The following RMDN2 variants were observed in gnomAD, a reference collection of about 807,000 sequenced individuals.
RMDN2 encodes regulator of microtubule dynamics 2, also known as regulator of microtubule dynamics protein 2.
In RMDN2, 61 loss-of-function variants were observed where a neutral mutation model predicts 52.8. The observed-to-expected ratio is 1.16, with a 90% CI of 0.94 to 1.43. RMDN2 has a LOEUF of 1.43. Ranked by LOEUF, RMDN2 falls within the 40% of genes most tolerant of loss-of-function variation. The pLI is 0.00. For synonymous variants in RMDN2, 180 were observed against 153.1 expected (o/e 1.18, Z -1.30); for missense variants, 592 against 475.3 (o/e 1.25, Z -2.28).
intron 2 of RMDN2, among the ~76,000 whole-genome samples, chr2:37,962,427 T>C (rs6544119): frequency 0.85 from 129,250 of 152,214 alleles, 55,297 homozygotes; most frequent in African/African-American, 0.94. Flanking sequence ...TCTGGCTACA[T>C]TGGCTTTGCT....
rs1339806273 is a variant in RMDN2 at position 38,039,089 on chromosome 2, C to CAGAG, written c.1714-27892_1714-27891insGAGA. On this transcript the variant is annotated intron_variant, in intron 10 of 10. Coordinates refer to the RMDN2 transcript ENST00000234195. ...ACACACACACACACACACACACACA[C>CAGAG]ACACAGAGAGAGAGATAAAATGTTC... 2.1e-3 allele frequency among the ~76,000 whole-genome samples: 229 copies of CAGAG among 111,354 alleles called. 4 individuals carry two copies. The highest frequency in any genetic ancestry group is 7.4e-3 in the African/African-American group (217 of 29,140). 73.1% of individuals were successfully genotyped at this position (111,354 alleles called of 152,430 possible). A position where few individuals can be genotyped will look rare whatever the true frequency, so the allele number is the denominator to read the frequency against.
intron 5 of RMDN2, among the ~76,000 whole-genome samples, chr2:37,987,295 A>G (rs1460528221): frequency 6.6e-6 from 1 of 152,224 alleles, no homozygotes. Flanking sequence ...CGCTTAACAA[A>G]TATTCAACAG....
intron 4 of RMDN2, among the ~76,000 whole-genome samples, chr2:37,979,924 A>G (rs1673083304): frequency 6.6e-6 from 1 of 152,190 alleles, no homozygotes; most frequent in African/African-American, 2.4e-5. Context: ...AATTTCTTTA[A>G]TATTTGTTCA....
chr2:37,942,707 C>T (rs1417014515), intron 2 of RMDN2, among the ~76,000 whole-genome samples: 2 of 152,132 alleles, frequency 1.3e-5, no homozygotes, highest in Non-Finnish European at 2.9e-5. Context: ...CCATTTAGTC[C>T]TCTCCTATGA....
chr2:37,922,763 A>G (rs1213456209), upstream of RMDN2, among the ~76,000 whole-genome samples: 1 of 152,178 alleles, frequency 6.6e-6, no homozygotes, highest in African/African-American at 2.4e-5. Flanking sequence ...GGGGAAGGAG[A>G]GAGTGTGTAG....
rs190783501 is a variant in RMDN2 at position 37,983,955 on chromosome 2, C to G, written c.791+2612C>G. Among the ~76,000 whole-genome samples, 398 of 152,262 alleles carry G rather than the reference C, an allele frequency of 2.6e-3. 2 individuals are homozygous for G. The highest frequency in any genetic ancestry group is 9.7e-3 in the South Asian group (47 of 4,826). On this transcript the variant is annotated intron_variant, in intron 5 of 10. Transcript: ENST00000354545. ...TTTTTGCACAGCAGCAGAGTAGTTG[C>G]AAAAGACTGGCCCCAAAGTCTAAAA...
chr2:37,928,283 T>G (rs1434348412), intron 1 of RMDN2, among the ~76,000 whole-genome samples: 1 of 152,234 alleles, frequency 6.6e-6, no homozygotes, highest in African/African-American at 2.4e-5. Flanking sequence ...TGGCTGCTTG[T>G]TCTCTCAGAC....
downstream of RMDN2, among the ~76,000 whole-genome samples, chr2:38,020,047 T>C (rs984986098): frequency 2.0e-5 from 3 of 151,984 alleles, no homozygotes; most frequent in East Asian, 5.8e-4. Flanking sequence ...CCTAGAAGGG[T>C]GTGCTATACA....
intron 10 of RMDN2, among the ~76,000 whole-genome samples, chr2:38,059,345 G>C (rs1681954260): frequency 6.6e-6 from 1 of 152,180 alleles, no homozygotes; most frequent in Non-Finnish European, 1.5e-5. Flanking sequence ...TTTGGGCAGT[G>C]ATCATACCAT....
chr2:38,027,474 A>G (rs889740121), intron 10 of RMDN2: 1 of 152,200 alleles, frequency 6.6e-6, no homozygotes, highest in East Asian at 1.9e-4. Context: ...CCAGTCCTAT[A>G]AACCATTATT....
chr2:37,945,417 C>T (rs913733237), intron 2 of RMDN2, among the ~76,000 whole-genome samples: 7 of 152,134 alleles, frequency 4.6e-5, no homozygotes, highest in African/African-American at 1.4e-4. Context: ...CATTTGTCTT[C>T]GGAAGTCTCA....
At chr2:37,963,678 T>G (rs917113681) in intron 2 of RMDN2, among the ~76,000 whole-genome samples, 3 of 152,240 alleles carry the variant, frequency 2.0e-5, no homozygotes, top group African/African-American at 7.2e-5. Flanking sequence ...AGAATCTTTC[T>G]TAGTACAGAA....
upstream of RMDN2, among the ~76,000 whole-genome samples, chr2:37,922,090 A>C (rs979178902): frequency 1.3e-5 from 2 of 152,106 alleles, no homozygotes; most frequent in African/African-American, 2.4e-5. Flanking sequence ...GGTGTTCTTA[A>C]TTTAAAAGTT....
At chr2:38,056,209 C>T (rs1409764847) in intron 10 of RMDN2, among the ~76,000 whole-genome samples, 1 of 152,180 alleles carries the variant, frequency 6.6e-6, no homozygotes, top group African/African-American at 2.4e-5. Flanking sequence ...AGGATCCTCT[C>T]ATCCTCCCTC....
chr2:38,019,677 A>G (rs1679191592), downstream of RMDN2, among the ~76,000 whole-genome samples: 1 of 152,182 alleles, frequency 6.6e-6, no homozygotes, highest in South Asian at 2.1e-4. Context: ...CCATTTAATC[A>G]GAGAAATTAT....
intron 2 of RMDN2, among the ~76,000 whole-genome samples, chr2:37,948,683 C>G (rs981279421): frequency 1.2e-4 from 19 of 152,146 alleles, no homozygotes; most frequent in Non-Finnish European, 5.9e-5. Context: ...TATTAATCAG[C>G]TTCTAGATAT....
In RMDN2 at chr2:38,039,045, TATACACACACACAC is replaced by T. The variant is rs1218461076; in HGVS notation, c.1714-27935_1714-27922del. Among the ~76,000 whole-genome samples the T allele has an allele frequency of 3.2e-4, 28 of 87,586 alleles. 1 individual carries two copies. Among genetic ancestry groups the T allele is most frequent in the African/African-American group, 1.3e-3 (26 of 19,484 alleles). 57.5% of individuals were successfully genotyped at this position (87,586 alleles called of 152,430 possible). On this transcript the variant is annotated intron_variant, in intron 10 of 10. Transcript: ENST00000234195. ...GAGCAACAGTTTAAAAGCCAGATGCTATACACACACACACACACACACACACACACACACACACA... is the reference window on the plus strand; with the variant it reads ...GAGCAACAGTTTAAAAGCCAGATGCTACACACACACACACACACACACACA...
chr2:37,929,781 C>A, intron 2 of RMDN2, 52 bp downstream of exon 2: 1 of 1,230,518 alleles, frequency 8.1e-7, no homozygotes, highest in Non-Finnish European at 1.1e-6. Flanking sequence ...ATCATTATTA[C>A]TATTATTTAG....
chr2:38,031,456 G>C (rs1680199523), intron 10 of RMDN2, among the ~76,000 whole-genome samples: 1 of 151,520 alleles, frequency 6.6e-6, no homozygotes, highest in Admixed American at 6.6e-5. Flanking sequence ...CCAGTGCTTT[G>C]TTTCCTTTTT....
Sources: allele counts gnomAD v4.1 joint callset (sites outside exome capture counted in the v4.1 genomes callset), GRCh38; gene constraint gnomAD v4.1.1; transcripts MANE v1.5; gene names NCBI Gene and HGNC (gene_info 2026-07-23, HGNC 2026-07-21).